Variants in NISCH observed in about 807,000 individuals in gnomAD.
The protein encoded by NISCH is nischarin, also known as I-1 receptor candidate protein.
In NISCH, 55 loss-of-function variants were observed where a neutral mutation model predicts 138.4. The ratio of observed to expected loss-of-function variants is 0.40; its 90% CI spans 0.32 to 0.50. The LOEUF is 0.50. NISCH is among the 20% of genes least tolerant of loss of function. The probability of loss-of-function intolerance (pLI) is 0.71; values close to 1 mark genes in which losing one functional copy is unlikely to be tolerated. For missense variants in NISCH, 1,643 were observed against 2,005.5 expected, an observed-to-expected ratio of 0.82 and a Z score of 3.45; for synonymous variants, 860 against 861.5, an observed-to-expected ratio of 1.00 and a Z score of 0.03.
rs1014860993 is a variant in NISCH, at chr3:52,487,323, C to T, written c.1831C>T (p.Arg611Trp). ...DFIQRLSTLI[R>W]QAIERQLPAW... ...CATCCAGCGCCTGAGCACACTGATC[C>T]GGCAGGCCATCGAGCGGCAGCTGCC... is the stretch of plus-strand genomic sequence containing the variant. Residue 611 changes from arginine (R) to tryptophan (W), a missense_variant, in exon 16 of 21, where the codon CGG (arginine) becomes TGG (tryptophan). Arg to Trp is a moderately radical substitution (Grantham distance 101). Transcript: ENST00000345716. The surrounding 1 kb of genome is among the most constrained non-coding windows in gnomAD (Gnocchi z 9.1). 10 of 1,614,018 alleles carry T rather than the reference C, an allele frequency of 6.2e-6. No homozygotes were observed. The highest frequency in any genetic ancestry group is 4.5e-5 in the East Asian group (2 of 44,900).
chr3:52,474,040 T>C (rs961494088), intron 7 of NISCH, among the ~76,000 whole-genome samples: 7 of 152,218 alleles, frequency 4.6e-5, no homozygotes, highest in Non-Finnish European at 8.8e-5. Flanking sequence ...AAAAAGTTCG[T>C]GTTGTTAACA....
At chr3:52,459,100 C>T (rs1007106625) in intron 3 of NISCH, among the ~76,000 whole-genome samples, 3 of 152,134 alleles carry the variant, frequency 2.0e-5, no homozygotes, top group African/African-American at 7.2e-5. Flanking sequence ...GCAAAAATGG[C>T]CTGTGGGTGT....
rs564360145 is a variant in NISCH, at chr3:52,487,504, G to GGGAGGAAGAGGA, written c.2028_2039dup (p.Glu676_Glu679dup). The GGGAGGAAGAGGA allele has an allele frequency of 8.7e-6, 14 of 1,603,658 alleles. No individual in the cohort carries two copies. The African/African-American group carries it at 1.5e-4, about 17-fold the overall frequency. On this transcript the variant is annotated inframe_insertion, in exon 16 of 21. Coordinates refer to ENST00000345716, the MANE Select transcript of NISCH (RefSeq NM_007184.4). This position sits in a 1 kb window ranked among gnomAD's most constrained non-coding sequence, Gnocchi z 9.1. ...GAGGAGGAGGAGGGAGGAGGCCAGG[G>GGGAGGAAGAGGA]GGAGGAAGAGGAGGAGGAAGAGGAG...
chr3:52,483,443 A>T (rs906871163), intron 13 of NISCH, among the ~76,000 whole-genome samples: 2 of 152,220 alleles, frequency 1.3e-5, no homozygotes, highest in Non-Finnish European at 2.9e-5. Context: ...AGTCAGGAAC[A>T]TGTTCACAAA....
intron 13 of NISCH, 51 bp from the exon 14 acceptor site, chr3:52,484,462 T>TTGGGCCCCCCCCCC: frequency 1.5e-5 from 12 of 788,670 alleles, no homozygotes; most frequent in South Asian, 2.1e-5. Flanking sequence ...ACAGCCGCTC[T>TTGGGCCCCCCCCCC]CCCCGCCCCA....
At chr3:52,486,023 T>G (rs867749149) in intron 15 of NISCH, among the ~76,000 whole-genome samples, 196 bp downstream of exon 15, 14 of 152,360 alleles carry the variant, frequency 9.2e-5, no homozygotes, top group Middle Eastern at 3.4e-3. Context: ...ACCTAAACTC[T>G]GCTCAGCACA....
intron 14 of NISCH, 105 bp downstream of exon 14, chr3:52,484,742 C>G (rs1363131497): frequency 7.3e-7 from 1 of 1,372,264 alleles, no homozygotes; most frequent in Non-Finnish European, 1.0e-6. Flanking sequence ...GAGGCAGATG[C>G]TTCCAGGGTT....
At chr3:52,484,466 C>T (rs757742432) in intron 13 of NISCH, 47 bp from the exon 14 acceptor site, 22 of 445,794 alleles carry the variant, frequency 4.9e-5, no homozygotes, top group African/African-American at 3.3e-4. Flanking sequence ...CCGCTCTCCC[C>T]GCCCCACCCA....
intron 3 of NISCH, among the ~76,000 whole-genome samples, chr3:52,464,586 G>A (rs1268874677): frequency 6.3e-5 from 9 of 143,252 alleles, no homozygotes; most frequent in South Asian, 2.2e-4. Flanking sequence ...GTATAGTGGC[G>A]TGATCTCGAC....
chr3:52,488,701 C>G, intron 16 of NISCH, 96 bp downstream of exon 16: 2 of 1,105,602 alleles, frequency 1.8e-6, no homozygotes, highest in South Asian at 1.6e-5. Context: ...GGAGTTGCTG[C>G]GAGAGCTGGG....
At chr3:52,464,657 T>A (rs887839115) in intron 3 of NISCH, among the ~76,000 whole-genome samples, 1 of 151,392 alleles carries the variant, frequency 6.6e-6, no homozygotes, top group South Asian at 2.1e-4. Flanking sequence ...CCCAAGTAGC[T>A]GGGACTACAG....
rs146259914 is a variant in NISCH at position 52,489,381 on chromosome 3, G to C, written c.3159G>C (p.Pro1053=). The C allele has an allele frequency of 6.2e-7, 1 of 1,611,376 alleles. No individual in the cohort carries two copies. Among genetic ancestry groups the C allele is most frequent in the Admixed American group, 1.7e-5 (1 of 59,966 alleles). ...PQEVPAEALA[P]APAEVPAPAP... is the part of the protein sequence containing the mutation. Reference sequence around the variant, plus strand: ...AGGTCCCAGCAGAGGCTCTGGCCCCGGCCCCAGCGGAAGTCCCAGCTCCAG... The same window carrying C: ...AGGTCCCAGCAGAGGCTCTGGCCCCCGCCCCAGCGGAAGTCCCAGCTCCAG... Residue 1053 remains proline (P), a synonymous_variant, in exon 17 of 21, where the codon CCG becomes CCC. Transcript: ENST00000345716.
chr3:52,481,035 T>A (rs1330153376), intron 13 of NISCH: 6 of 1,380,132 alleles, frequency 4.3e-6, no homozygotes, highest in Non-Finnish European at 5.6e-6. Context: ...GACGCAGAAC[T>A]TGGTGTGAGG....
intron 15 of NISCH, among the ~76,000 whole-genome samples, chr3:52,486,737 C>T (rs532869999): frequency 2.4e-4 from 37 of 152,330 alleles, no homozygotes; most frequent in African/African-American, 4.6e-4. Context: ...GTGAGGGCTG[C>T]GGTGGCCAAG....
chr3:52,483,778 T>A (rs890907587), intron 13 of NISCH, among the ~76,000 whole-genome samples: 3 of 152,096 alleles, frequency 2.0e-5, no homozygotes, highest in African/African-American at 7.2e-5. Flanking sequence ...GGGGACGGGG[T>A]CATGTCTAGT....
At chr3:52,476,722 C>A in intron 8 of NISCH, 123 bp downstream of exon 8, 1 of 961,062 alleles carries the variant, frequency 1.0e-6, no homozygotes, top group Non-Finnish European at 1.6e-6. Context: ...CTGTGCATTG[C>A]CTGCCATTTT....
At position 52,478,084 on chromosome 3, in the gene NISCH, C is replaced by T. The variant is rs776248034; in HGVS notation, c.988-13C>T. ...ACCTGAGCCACTTTACGCTGTTCTC[C>T]ACGCCGCTGCAGCACCTGTATAACC... On this transcript the variant is annotated splice_polypyrimidine_tract_variant and intron_variant, in intron 9 of 20. Coordinates refer to ENST00000345716, the MANE Select transcript of NISCH (RefSeq NM_007184.4). 1 of 1,612,832 alleles carries T rather than the reference C, an allele frequency of 6.2e-7. No homozygotes were observed. The highest frequency in any genetic ancestry group is 8.5e-7 in the Non-Finnish European group (1 of 1,179,694).
In NISCH at chr3:52,492,081, A is replaced by G. The variant is rs1453783251; in HGVS notation, c.4114A>G (p.Thr1372Ala). The change falls in exon 21 of 21, where the codon ACA (threonine) becomes GCA (alanine). Residue 1372 changes from threonine to alanine, a missense_variant. Coordinates refer to ENST00000345716, the MANE Select transcript of NISCH (RefSeq NM_007184.4). ...GCCRGPLRPKTLLLTSSEIFL... is the reference protein window; with the variant it reads ...GCCRGPLRPKALLLTSSEIFL... ...CTGCAGGGGCCCCCTGCGCCCCAAG[A>G]CACTCCTGCTCACCAGCTCCGAGAT... 2 of 1,613,020 alleles carry G rather than the reference A, an allele frequency of 1.2e-6. No homozygotes were observed.
At chr3:52,472,728 G>A (rs1462790822) in intron 6 of NISCH, among the ~76,000 whole-genome samples, 2 of 152,172 alleles carry the variant, frequency 1.3e-5, no homozygotes, top group African/African-American at 4.8e-5. Context: ...CATCCTGGGG[G>A]TCAGACAGAA....
Sources: allele counts gnomAD v4.1 joint callset (sites outside exome capture counted in the v4.1 genomes callset), GRCh38; gene constraint gnomAD v4.1.1; non-coding constraint Gnocchi (gnomAD v3.1); transcripts MANE v1.5; gene names NCBI Gene and HGNC (gene_info 2026-07-23, HGNC 2026-07-21).